The following TRIM69 variants were observed in gnomAD, a reference collection of about 807,000 sequenced individuals.
TRIM69 encodes the protein E3 ubiquitin-protein ligase TRIM69.
In TRIM69, 29 loss-of-function variants were observed where a neutral mutation model predicts 37.7. The ratio of observed to expected loss-of-function variants is 0.77; its 90% confidence interval spans 0.57 to 1.05. The LOEUF (loss-of-function observed/expected upper bound fraction) is 1.05, where lower values mean the gene tolerates loss of function less well. TRIM69 is among the 50% of genes least tolerant of loss of function. The pLI, the probability that TRIM69 is intolerant of heterozygous loss-of-function variation, is 0.00. For synonymous variants in TRIM69, 209 were observed against 212.4 expected (o/e 0.98, Z 0.14); for missense variants, 596 against 579.9 (o/e 1.03, Z -0.28).
At chr15:44,759,005 A>G (rs1212963651) in intron 4 of TRIM69, 151 bp downstream of exon 4, 127 of 1,045,382 alleles carry the variant, frequency 1.2e-4, no homozygotes, top group Non-Finnish European at 7.1e-5. Flanking sequence ...TCTCTGGAAG[A>G]AAAGGAGGAG....
intron 5 of TRIM69, 38 bp downstream of exon 5, chr15:44,759,700 T>C (rs1169922605): frequency 1.2e-6 from 2 of 1,613,996 alleles, no homozygotes; most frequent in African/African-American, 2.7e-5. Flanking sequence ...TATCATTCCT[T>C]GAGTCTCTGG....
intron 6 of TRIM69, among the ~76,000 whole-genome samples, chr15:44,762,505 A>G (rs2087797733): frequency 6.6e-6 from 1 of 152,104 alleles, no homozygotes; most frequent in South Asian, 2.1e-4. Flanking sequence ...TATTTTAGAC[A>G]ACTTGATATT....
At chr15:44,742,356 A>G (rs2087309400) in intron 1 of TRIM69, among the ~76,000 whole-genome samples, 1 of 143,266 alleles carries the variant, frequency 7.0e-6, no homozygotes, top group African/African-American at 2.6e-5. Flanking sequence ...CCCACAGCCA[A>G]TATCATACTG....
At chr15:44,741,192 T>G (rs1290704235) in intron 1 of TRIM69, among the ~76,000 whole-genome samples, 2 of 152,176 alleles carry the variant, frequency 1.3e-5, no homozygotes, top group Non-Finnish European at 2.9e-5. Flanking sequence ...ACATGGAAAC[T>G]GAACAACCTG....
chr15:44,756,583 A>G, intron 3 of TRIM69, 120 bp downstream of exon 3: 1 of 649,948 alleles, frequency 1.5e-6, no homozygotes, highest in Non-Finnish European at 2.6e-6. Context: ...TACCTAGGCT[A>G]TGGAATTGGA....
At chr15:44,736,758 T>A in intron 1 of TRIM69, 48 bp downstream of exon 1, 1 of 1,598,466 alleles carries the variant, frequency 6.3e-7, no homozygotes, top group Non-Finnish European at 8.5e-7. Context: ...CTAGGAATAG[T>A]GTGGAAAACA....
At chr15:44,767,083 A>AAAAAAAAAAAAAAC (rs2087909428) in intron 6 of TRIM69, 148 bp from the exon 7 acceptor site, 1 of 393,234 alleles carries the variant, frequency 2.5e-6, no homozygotes, top group Non-Finnish European at 4.4e-6. Context: ...AAAAAAAAAA[A>AAAAAAAAAAAAAAC]AGCATATAAG....
chr15:44,751,809 G>A (rs964149867), intron 1 of TRIM69, among the ~76,000 whole-genome samples: 2 of 151,484 alleles, frequency 1.3e-5, no homozygotes, highest in Non-Finnish European at 2.9e-5. Flanking sequence ...GTGTAGATGT[G>A]ATCTTGACTC....
intron 1 of TRIM69, among the ~76,000 whole-genome samples, chr15:44,738,185 A>G (rs2087203830): frequency 6.6e-6 from 1 of 151,164 alleles, no homozygotes; most frequent in African/African-American, 2.4e-5. Flanking sequence ...CAGCATCCCA[A>G]ATAGCTGGGA....
In TRIM69 at chr15:44,759,871, A is replaced by G; in HGVS notation, c.960A>G (p.Pro320=). 6.2e-7 allele frequency: 1 copy of G among 1,609,906 alleles called. No individual in the cohort carries two copies. Among genetic ancestry groups the G allele is most frequent in the Non-Finnish European group, 8.5e-7 (1 of 1,176,600 alleles). ...VWREMQDTLC[P]GLSPLTLDPK... ...GGGAAATGCAGGACACTCTCTGCCC[A>G]GGTATCAGTGGGTAGTAACTATTGG... Residue 320 remains proline (P), a splice_region_variant and synonymous_variant, in exon 6 of 7, where the codon CCA becomes CCG. Coordinates refer to ENST00000329464, the MANE Select transcript of TRIM69 (RefSeq NM_182985.5).
At chr15:44,744,826 T>G (rs1026132644) in intron 1 of TRIM69, among the ~76,000 whole-genome samples, 1 of 152,048 alleles carries the variant, frequency 6.6e-6, no homozygotes, top group Non-Finnish European at 1.5e-5. Context: ...TTTGTTTAAC[T>G]CAGAACTTTT....
intron 6 of TRIM69, among the ~76,000 whole-genome samples, chr15:44,762,992 C>T (rs748686868): frequency 1.5e-4 from 23 of 152,118 alleles, no homozygotes; most frequent in Non-Finnish European, 3.1e-4. Flanking sequence ...TTTTTATATG[C>T]CCCATCCTCA....
intron 3 of TRIM69, chr15:44,758,345 T>C (rs2087697108): frequency 7.6e-6 from 4 of 527,962 alleles, no homozygotes; most frequent in South Asian, 6.9e-5. Context: ...AACTCCACAG[T>C]CTTATTTAAT....
chr15:44,758,924 G>A, intron 4 of TRIM69, 70 bp downstream of exon 4: 1 of 1,519,560 alleles, frequency 6.6e-7, no homozygotes, highest in Non-Finnish European at 8.9e-7. Context: ...TGGAAAGAAT[G>A]CGGAAGTGGC....
intron 1 of TRIM69, among the ~76,000 whole-genome samples, chr15:44,750,718 T>A (rs1400473985): frequency 6.3e-4 from 2 of 3,156 alleles, no homozygotes; most frequent in Non-Finnish European, 1.4e-3. Context: ...ACTTTTTCTT[T>A]TTTTTTTTTT....
At chr15:44,766,738 G>A (rs984137716) in intron 6 of TRIM69, among the ~76,000 whole-genome samples, 3 of 151,862 alleles carry the variant, frequency 2.0e-5, no homozygotes, top group Non-Finnish European at 4.4e-5. Flanking sequence ...CTAGAATATA[G>A]TAACATGGAT....
intron 6 of TRIM69, among the ~76,000 whole-genome samples, chr15:44,762,293 T>A (rs1179836316): frequency 6.6e-6 from 1 of 152,170 alleles, no homozygotes; most frequent in African/African-American, 2.4e-5. Flanking sequence ...GGACTTGCTT[T>A]TTGTCACTTG....
Position 44,755,295 on chromosome 15 carries a change from C to T in TRIM69, c.402C>T (p.Cys134=). The T allele has an allele frequency of 1.2e-6, 2 of 1,614,126 alleles. No homozygotes were observed. ...LFSKPDGKLI[C]FQCKDARLSV... is the part of the protein sequence containing the mutation. ...GTAAACCAGATGGGAAACTGATCTG[C>T]TTTCAATGCAAGGATGCTCGGTTGT... The change falls in exon 2 of 7, where the codon TGC becomes TGT. Residue 134 remains cysteine, a synonymous_variant. Transcript: ENST00000329464.
chr15:44,758,420 C>T, intron 3 of TRIM69: 2 of 791,772 alleles, frequency 2.5e-6, no homozygotes, highest in Admixed American at 2.9e-5. Context: ...CTATTTCATC[C>T]TGAACTATTA....
Sources: gnomAD v4.1 joint callset for allele counts (sites outside exome capture counted in the v4.1 genomes callset) on GRCh38, gnomAD v4.1.1 for gene constraint, MANE v1.5 for transcripts, NCBI Gene and HGNC (gene_info 2026-07-23, HGNC 2026-07-21) for gene names.